CPNE8: variants seen among roughly 807,000 people sequenced by gnomAD.
CPNE8 encodes copine 8.
In CPNE8, 45 loss-of-function variants were observed where a neutral mutation model predicts 81.5. The observed-to-expected ratio is 0.55, with a 90% CI of 0.44 to 0.71. CPNE8 has a LOEUF of 0.71. CPNE8 is among the 30% of genes least tolerant of loss of function. The pLI is 0.00. For missense variants in CPNE8, 594 were observed against 672.1 expected, an observed-to-expected ratio of 0.88 and a Z score of 1.28; for synonymous variants, 252 against 226.3, an observed-to-expected ratio of 1.11 and a Z score of -1.02.
At chr12:38,814,228 T>G (rs774263683) in intron 6 of CPNE8, among the ~76,000 whole-genome samples, 9 of 151,418 alleles carry the variant, frequency 5.9e-5, no homozygotes, top group Admixed American at 5.9e-4. Context: ...AGAAACATGC[T>G]TGACTAAGCC....
At chr12:38,905,857 T>A (rs1944563785), upstream of CPNE8, 2 of 985,334 alleles carry the variant, frequency 2.0e-6, no homozygotes, top group Non-Finnish European at 2.4e-6. Context: ...GGGGTCAGGC[T>A]TGGTGGACCC....
chr12:38,843,583 G>A (rs558659590), intron 4 of CPNE8, among the ~76,000 whole-genome samples: 1 of 152,228 alleles, frequency 6.6e-6, no homozygotes, highest in East Asian at 1.9e-4. Flanking sequence ...ACGGGGCCCT[G>A]CTGCAAGTCC....
chr12:38,785,737 C>G (rs571261575), intron 6 of CPNE8, among the ~76,000 whole-genome samples: 63 of 152,136 alleles, frequency 4.1e-4, no homozygotes, highest in Middle Eastern at 3.4e-3. Context: ...TATATAGACA[C>G]AACAAAAAGT....
chr12:38,788,943 T>C (rs1446816559), intron 6 of CPNE8, among the ~76,000 whole-genome samples: 3 of 151,642 alleles, frequency 2.0e-5, no homozygotes, highest in Non-Finnish European at 4.4e-5. Context: ...TGATGAAAGA[T>C]AATTAAAGAG....
At chr12:38,715,333 A>G (rs369436170) in intron 13 of CPNE8, among the ~76,000 whole-genome samples, 44 of 152,202 alleles carry the variant, frequency 2.9e-4, no homozygotes, top group African/African-American at 9.6e-4. Context: ...TAGCTAGAGA[A>G]TCAATATAAT....
intron 19 of CPNE8, among the ~76,000 whole-genome samples, chr12:38,665,007 T>C (rs1317073191): frequency 2.0e-5 from 3 of 152,208 alleles, no homozygotes; most frequent in African/African-American, 7.2e-5. Flanking sequence ...GAACATTTAT[T>C]TCTTCAGTCA....
At chr12:38,790,017 A>G (rs901575994) in intron 6 of CPNE8, among the ~76,000 whole-genome samples, 4 of 151,826 alleles carry the variant, frequency 2.6e-5, no homozygotes, top group Non-Finnish European at 5.9e-5. Flanking sequence ...TAGTACAATC[A>G]CTACGGAGAA....
chr12:38,744,415 A>G (rs181669315), intron 10 of CPNE8, among the ~76,000 whole-genome samples: 25 of 152,338 alleles, frequency 1.6e-4, no homozygotes, highest in Non-Finnish European at 2.9e-4. Context: ...AGTCCATTAT[A>G]TCGACCTCTA....
chr12:38,829,429 T>G lies in CPNE8; in HGVS notation c.357A>C (p.Thr119=), dbSNP rs193237327. 5 of 1,613,216 alleles carry G rather than the reference T, an allele frequency of 3.1e-6. No individual in the cohort carries two copies. In the Admixed American group the frequency reaches 5.0e-5, roughly 16 times the overall value. ...CCTGTGAACCAACGATCTCTCCCAA[T>G]GTACAAAACACTTGTCCCAGAAAGT... is the stretch of plus-strand genomic sequence containing the variant. ...KHDFLGQVFC[T]LGEIVGSQGS... The change falls in exon 6 of 20, where the codon ACA becomes ACC. Residue 119 remains threonine, a synonymous_variant. Transcript: ENST00000331366.
chr12:38,895,057 G>A (rs1565666829), intron 1 of CPNE8, among the ~76,000 whole-genome samples: 1 of 152,054 alleles, frequency 6.6e-6, no homozygotes, highest in Admixed American at 6.6e-5. Flanking sequence ...ATTTGAGATT[G>A]TTCTTAATAA....
At chr12:38,717,737 C>T (rs888687203) in intron 13 of CPNE8, among the ~76,000 whole-genome samples, 1 of 151,104 alleles carries the variant, frequency 6.6e-6, no homozygotes, top group Non-Finnish European at 1.5e-5. Context: ...GACAAGTGCA[C>T]TAAAATCTCA....
intron 6 of CPNE8, among the ~76,000 whole-genome samples, chr12:38,798,987 A>C (rs569297265): frequency 6.6e-6 from 1 of 152,322 alleles, no homozygotes; most frequent in South Asian, 2.1e-4. Flanking sequence ...TCAATTCAAT[A>C]AGAAGAGCTA....
intron 10 of CPNE8, among the ~76,000 whole-genome samples, chr12:38,746,178 T>C (rs890551195): frequency 6.6e-6 from 1 of 152,116 alleles, no homozygotes; most frequent in African/African-American, 2.4e-5. Context: ...ATATTCAAAA[T>C]ATTCTTCAAT....
intron 3 of CPNE8, among the ~76,000 whole-genome samples, chr12:38,860,647 TG>T (rs978699635): frequency 2.6e-5 from 4 of 151,996 alleles, no homozygotes; most frequent in African/African-American, 9.6e-5. Flanking sequence ...CTACATACCA[TG>T]GGACATGATT....
In CPNE8 at chr12:38,873,037, A is replaced by C; in HGVS notation, c.153T>G (p.Tyr51Ter). The change falls in exon 3 of 20, where the codon TAT becomes TAG. Residue 51 changes from tyrosine to a stop codon, truncating the protein, a stop_gained. Transcript: ENST00000331366. LOFTEE classifies it high-confidence loss of function. ...ATTCTTTATTTCCAACTCCTTGTAC[A>C]TATAAGACACAAACTACAAAAGATG... is the stretch of plus-strand genomic sequence containing the variant. ...FSKSDPICVL[Y>*]VQGVGNKEWR... 1 of 1,555,496 alleles carries C rather than the reference A, an allele frequency of 6.4e-7. No individual in the cohort carries two copies. The highest frequency in any genetic ancestry group is 8.8e-7 in the Non-Finnish European group (1 of 1,132,624).
chr12:38,860,348 T>G, intron 3 of CPNE8, among the ~76,000 whole-genome samples: 1 of 137,978 alleles, frequency 7.2e-6, no homozygotes. Flanking sequence ...CACACTTCCC[T>G]GAGATATTGT....
chr12:38,877,749 G>A (rs1025855295), intron 1 of CPNE8, among the ~76,000 whole-genome samples: 5 of 152,010 alleles, frequency 3.3e-5, no homozygotes, highest in Admixed American at 6.5e-5. Flanking sequence ...AACTAAAGCC[G>A]AGGCCCAGCC....
chr12:38,815,654 T>C (rs1943012272), intron 6 of CPNE8, among the ~76,000 whole-genome samples: 1 of 152,180 alleles, frequency 6.6e-6, no homozygotes, highest in African/African-American at 2.4e-5. Flanking sequence ...GAAACTAAAA[T>C]TGCAACTTTT....
chr12:38,871,175 C>T (rs1409272894), intron 3 of CPNE8, among the ~76,000 whole-genome samples: 1 of 152,138 alleles, frequency 6.6e-6, no homozygotes, highest in East Asian at 1.9e-4. Flanking sequence ...TGGTCAGCAC[C>T]CACTTAAGAA....
Sources: gnomAD v4.1 joint callset for allele counts (sites outside exome capture counted in the v4.1 genomes callset) on GRCh38, gnomAD v4.1.1 for gene constraint, MANE v1.5 for transcripts, NCBI Gene and HGNC (gene_info 2026-07-23, HGNC 2026-07-21) for gene names.